The following SGCZ variants were observed in gnomAD, a reference collection of about 807,000 sequenced individuals.
SGCZ encodes the protein zeta-sarcoglycan.
In SGCZ, 40 loss-of-function variants were observed where a neutral mutation model predicts 41.3. The ratio of observed to expected loss-of-function variants is 0.97; its 90% CI spans 0.75 to 1.26. The LOEUF is 1.26. Ranked by LOEUF, SGCZ falls within the 50% of genes most tolerant of loss-of-function variation. The probability of loss-of-function intolerance (pLI) is 0.00; values close to 1 mark genes in which losing one functional copy is unlikely to be tolerated. For synonymous variants in SGCZ, 206 were observed against 137.5 expected, an observed-to-expected ratio of 1.50 and a Z score of -3.49; for missense variants, 552 against 369.8, an observed-to-expected ratio of 1.49 and a Z score of -4.04.
chr8:14,694,944 A>C (rs1777000757), intron 1 of SGCZ, among the ~76,000 whole-genome samples: 1 of 152,198 alleles, frequency 6.6e-6, no homozygotes, highest in African/African-American at 2.4e-5. Context: ...AATGAAAAGA[A>C]AAAAATGATC....
intron 3 of SGCZ, among the ~76,000 whole-genome samples, chr8:14,260,425 A>T (rs2117232012): frequency 6.9e-6 from 1 of 144,036 alleles, no homozygotes; most frequent in East Asian, 2.0e-4. Flanking sequence ...TAGAATGGCG[A>T]TCATTAAAAA....
chr8:14,348,401 G>A (rs993825818), intron 2 of SGCZ, among the ~76,000 whole-genome samples: 3 of 152,030 alleles, frequency 2.0e-5, no homozygotes, highest in Admixed American at 1.3e-4. Flanking sequence ...GTGAGCAACT[G>A]AACCTGAGTT....
chr8:14,697,630 A>C (rs1809007547), intron 1 of SGCZ, among the ~76,000 whole-genome samples: 1 of 151,960 alleles, frequency 6.6e-6, no homozygotes, highest in East Asian at 1.9e-4. Flanking sequence ...AATTCCATAA[A>C]CATGCCAATA....
intron 1 of SGCZ, among the ~76,000 whole-genome samples, chr8:15,167,347 G>T (rs1376135893): frequency 6.6e-6 from 1 of 152,194 alleles, no homozygotes; most frequent in Non-Finnish European, 1.5e-5. Context: ...CTGGCCTCAC[G>T]TCCTCATCTA....
intron 4 of SGCZ, among the ~76,000 whole-genome samples, chr8:14,204,901 T>C (rs189897346): frequency 9.4e-4 from 143 of 152,184 alleles, no homozygotes; most frequent in Non-Finnish European, 5.6e-4. Context: ...GCCTTCAGAC[T>C]TGGACTGAGC....
chr8:15,049,320 T>A (rs891149469), intron 1 of SGCZ, among the ~76,000 whole-genome samples: 7 of 152,122 alleles, frequency 4.6e-5, no homozygotes, highest in Non-Finnish European at 8.8e-5. Flanking sequence ...GAGTTTGGTC[T>A]ATTCAACAAT....
At chr8:14,134,016 T>G (rs770866982) in intron 5 of SGCZ, among the ~76,000 whole-genome samples, 4 of 152,206 alleles carry the variant, frequency 2.6e-5, no homozygotes, top group Non-Finnish European at 5.9e-5. Context: ...AGTACATGAA[T>G]ATGCATCAGA....
intron 3 of SGCZ, among the ~76,000 whole-genome samples, chr8:14,306,907 A>G (rs530430066): frequency 5.3e-5 from 8 of 152,358 alleles, no homozygotes; most frequent in African/African-American, 1.9e-4. Context: ...AAAAGCAGAC[A>G]GAAAATGATA....
At chr8:14,795,937 G>C (rs1026767328) in intron 1 of SGCZ, among the ~76,000 whole-genome samples, 2 of 152,076 alleles carry the variant, frequency 1.3e-5, no homozygotes, top group African/African-American at 4.8e-5. Context: ...TTGGTTTTCT[G>C]TTCCTGTGTT....
intron 2 of SGCZ, among the ~76,000 whole-genome samples, chr8:14,335,703 A>G (rs1802483214): frequency 6.6e-6 from 1 of 152,070 alleles, no homozygotes. Context: ...AATTCAGACA[A>G]ATCTTGCTGA....
In SGCZ at chr8:14,086,766, C is replaced by T. The variant is rs915379099; in HGVS notation, c.*3677G>A. 5.9e-5 allele frequency among the ~76,000 whole-genome samples: 9 copies of T among 151,492 alleles called. No individual in the cohort carries two copies. Among genetic ancestry groups the T allele is most frequent in the Admixed American group, 2.0e-4 (3 of 15,170 alleles). On this transcript the variant is annotated 3_prime_UTR_variant, in exon 8 of 8. Transcript: ENST00000382080. ...GTATAAAAAAGAGCATAGGAAGTAG[C>T]GTGCCAAAAAGGTTTGTATTTCAAC...
At chr8:14,904,269 T>C (rs1352803243) in intron 1 of SGCZ, among the ~76,000 whole-genome samples, 1 of 152,064 alleles carries the variant, frequency 6.6e-6, no homozygotes, top group East Asian at 1.9e-4. Context: ...TCCATCCCTG[T>C]GGTCGTTCCT....
chr8:14,789,989 A>G (rs1437734113), intron 1 of SGCZ, among the ~76,000 whole-genome samples: 1 of 152,222 alleles, frequency 6.6e-6, no homozygotes, highest in South Asian at 2.1e-4. Flanking sequence ...TTAAATGTAA[A>G]TTCATGTAAA....
rs1197835353 is a variant in SGCZ, at chr8:14,624,143, G to A, written c.40-69217C>T. Among the ~76,000 whole-genome samples, 3 of 152,060 alleles carry A rather than the reference G, an allele frequency of 2.0e-5. No homozygotes were observed. In the East Asian group the frequency reaches 5.8e-4, roughly 29 times the overall value. ...AAAAGATTCAACAAGTTTAATATAT[G>A]CATATTTAATTTCTGCAGGGTCAAT... is the stretch of plus-strand genomic sequence containing the variant. On this transcript the variant is annotated intron_variant, in intron 1 of 7. Transcript: ENST00000382080.
chr8:15,140,023 C>CTT (rs1172886224), intron 1 of SGCZ, among the ~76,000 whole-genome samples: 1 of 148,528 alleles, frequency 6.7e-6, no homozygotes, highest in African/African-American at 2.5e-5. Flanking sequence ...GTTATAAAGC[C>CTT]TTTTTTTTTT....
At chr8:15,000,466 A>G (rs986067857) in intron 1 of SGCZ, among the ~76,000 whole-genome samples, 1 of 152,126 alleles carries the variant, frequency 6.6e-6, no homozygotes, top group African/African-American at 2.4e-5. Context: ...TTATTGTCTA[A>G]CAAGTTATTT....
intron 3 of SGCZ, among the ~76,000 whole-genome samples, chr8:14,238,288 G>A (rs1465328143): frequency 1.3e-5 from 2 of 152,156 alleles, no homozygotes. Flanking sequence ...CTGTGTCTAT[G>A]CAGTTACGTC....
intron 1 of SGCZ, among the ~76,000 whole-genome samples, chr8:15,140,343 A>C (rs988870485): frequency 4.6e-5 from 7 of 152,146 alleles, no homozygotes; most frequent in African/African-American, 1.7e-4. Context: ...GCTTATTTAG[A>C]GCTCATAACT....
At chr8:14,404,076 A>C (rs1397176416) in intron 2 of SGCZ, among the ~76,000 whole-genome samples, 1 of 152,176 alleles carries the variant, frequency 6.6e-6, no homozygotes, top group Non-Finnish European at 1.5e-5. Context: ...ACGAAAAGAG[A>C]GAATAGACAA....
Sources: gnomAD v4.1 joint callset for allele counts (sites outside exome capture counted in the v4.1 genomes callset) on GRCh38, gnomAD v4.1.1 for gene constraint, MANE v1.5 for transcripts, NCBI Gene and HGNC (gene_info 2026-07-23, HGNC 2026-07-21) for gene names.